Variants in COL9A3 observed in about 807,000 individuals in gnomAD.
The protein encoded by COL9A3 is collagen alpha-3(IX) chain.
In COL9A3, 82 loss-of-function variants were observed where a neutral mutation model predicts 110.2. The ratio of observed to expected loss-of-function variants is 0.74; its 90% CI spans 0.62 to 0.89. The LOEUF is 0.89. Among genes scored for constraint, COL9A3 ranks in the 40% least tolerant of loss-of-function variants. COL9A3 has a pLI of 0.00. For missense variants in COL9A3, 1,066 were observed against 981.3 expected (o/e 1.09, Z -1.15); for synonymous variants, 494 against 403.8 (o/e 1.22, Z -2.68).
At chr20:62,837,640 C>T (rs1421283675) in intron 30 of COL9A3, among the ~76,000 whole-genome samples, 4 of 151,898 alleles carry the variant, frequency 2.6e-5, no homozygotes, top group African/African-American at 7.3e-5. Context: ...AACCCTGTCT[C>T]TACTAAAAAT....
chr20:62,824,926 C>T (rs749537198), intron 11 of COL9A3, 42 bp from the exon 12 acceptor site: 42 of 1,545,314 alleles, frequency 2.7e-5, no homozygotes, highest in East Asian at 2.2e-4. Flanking sequence ...GAGGGGGTGT[C>T]GGGGGGTCTG....
In COL9A3 at chr20:62,840,763, C is replaced by CAA. The variant is rs758152474; in HGVS notation, c.*31_*32insAA. On this transcript the variant is annotated 3_prime_UTR_variant, in exon 32 of 32. Coordinates refer to ENST00000649368, the MANE Select transcript of COL9A3 (RefSeq NM_001853.4). ...AACGTGAGGAAGCAAGTGACAAGGACGCCCGAAGCACAGTGGACGGTCATG... is the reference window on the plus strand; with the variant it reads ...AACGTGAGGAAGCAAGTGACAAGGACAAGCCCGAAGCACAGTGGACGGTCATG... 0.082 allele frequency: 127,788 copies of CAA among 1,551,454 alleles called. 6,266 individuals carry two copies. The highest frequency in any genetic ancestry group is 0.2 in the African/African-American group (14,397 of 73,176).
chr20:62,826,947 C>A, intron 15 of COL9A3, 127 bp downstream of exon 15: 1 of 1,057,342 alleles, frequency 9.5e-7, no homozygotes, highest in Non-Finnish European at 1.4e-6. Flanking sequence ...CCTGGACACC[C>A]TGGGAGGGCT....
At chr20:62,823,932 CCT>C (rs1190138180) in intron 10 of COL9A3, among the ~76,000 whole-genome samples, 1 of 152,114 alleles carries the variant, frequency 6.6e-6, no homozygotes, top group African/African-American at 2.4e-5. Context: ...TGAAGGAGAC[CCT>C]GTCTGTGTCC....
At chr20:62,828,190 C>G (rs998332470) in intron 17 of COL9A3, among the ~76,000 whole-genome samples, 2 of 152,230 alleles carry the variant, frequency 1.3e-5, no homozygotes, top group Non-Finnish European at 2.9e-5. Flanking sequence ...GCTGGGTTTA[C>G]CTGCACAGAG....
intron 12 of COL9A3, 84 bp downstream of exon 12, chr20:62,825,105 G>A (rs868516160): frequency 2.1e-5 from 9 of 429,654 alleles, no homozygotes; most frequent in African/African-American, 1.1e-4. Context: ...GCTCCGGCGG[G>A]AGGGAGGGGC....
At chr20:62,835,500 A>G (rs749369728) in intron 26 of COL9A3, among the ~76,000 whole-genome samples, 1 of 152,180 alleles carries the variant, frequency 6.6e-6, no homozygotes, top group Non-Finnish European at 1.5e-5. Context: ...CAATTGCAGC[A>G]TGTGTTTTGG....
intron 27 of COL9A3, 92 bp downstream of exon 27, chr20:62,836,045 A>C: frequency 6.2e-7 from 1 of 1,607,424 alleles, no homozygotes; most frequent in Non-Finnish European, 8.5e-7. Context: ...CCTGCAGGGC[A>C]CTGCCCAGAT....
chr20:62,835,987 C>T (rs1342149633), intron 27 of COL9A3, 34 bp downstream of exon 27: 3 of 1,614,148 alleles, frequency 1.9e-6, no homozygotes, highest in South Asian at 2.2e-5. Flanking sequence ...ATGACACCAT[C>T]CATGGGCGCC....
At chr20:62,829,107 C>T in intron 19 of COL9A3, 131 bp downstream of exon 19, 1 of 1,015,888 alleles carries the variant, frequency 9.8e-7, no homozygotes, top group Non-Finnish European at 1.4e-6. Flanking sequence ...CTGTGTCCAT[C>T]AGGGCCTGGC....
At position 62,833,067 on chromosome 20, in the gene COL9A3, G is replaced by A. The variant is rs775090189; in HGVS notation, c.1368+3G>A. ...TTCCTGGGGATAAAGGAGAACTGGT[G>A]AGTAATTAGGTAACCTCACTGTTAC... On this transcript the variant is annotated splice_donor_region_variant and intron_variant, in intron 26 of 31. Transcript: ENST00000649368. 3.7e-6 allele frequency: 6 copies of A among 1,612,454 alleles called. No homozygotes were observed. The highest frequency in any genetic ancestry group is 5.1e-6 in the Non-Finnish European group (6 of 1,178,604).
chr20:62,820,100 C>A, intron 5 of COL9A3, 118 bp downstream of exon 5: 1 of 1,241,310 alleles, frequency 8.1e-7, no homozygotes, highest in Non-Finnish European at 1.2e-6. Context: ...AGCTGCCCTG[C>A]CCGTGCCTGG....
At chr20:62,817,838 G>A in intron 2 of COL9A3, 1 of 679,974 alleles carries the variant, frequency 1.5e-6, no homozygotes, top group Non-Finnish European at 2.8e-6. Flanking sequence ...GGTGTCATGT[G>A]GTGGTCCTCC....
rs776152167 is a variant in COL9A3 at position 62,828,991 on chromosome 20, G to A, written c.1008+15G>A. 6 of 1,590,458 alleles carry A rather than the reference G, an allele frequency of 3.8e-6. No homozygotes were observed. Among genetic ancestry groups the A allele is most frequent in the African/African-American group, 1.3e-5 (1 of 74,452 alleles). On this transcript the variant is annotated intron_variant, in intron 19 of 31. Transcript: ENST00000649368. ...ACGGGCTGCCGGTGAGTGCCCGGCG[G>A]GTGGGGCCAGCCTGGGGCGCCACAG...
Position 62,840,777 on chromosome 20 carries a change from T to C in COL9A3, c.*45T>C. The C allele has an allele frequency of 6.5e-7, 1 of 1,548,200 alleles. No individual in the cohort carries two copies. Among genetic ancestry groups the C allele is most frequent in the Non-Finnish European group, 8.7e-7 (1 of 1,143,974 alleles). The stretch of plus-strand genomic sequence containing the variant: ...AGTGACAAGGACGCCCGAAGCACAG[T>C]GGACGGTCATGAAGGAGCGGGGGTG... On this transcript the variant is annotated 3_prime_UTR_variant, in exon 32 of 32. Coordinates refer to ENST00000649368, the MANE Select transcript of COL9A3 (RefSeq NM_001853.4).
At chr20:62,826,946 C>A in intron 15 of COL9A3, 126 bp downstream of exon 15, 1 of 1,061,428 alleles carries the variant, frequency 9.4e-7, no homozygotes, top group Non-Finnish European at 1.4e-6. Flanking sequence ...CCCTGGACAC[C>A]CTGGGAGGGC....
At chr20:62,820,682 C>T (rs1991091141) in intron 5 of COL9A3, among the ~76,000 whole-genome samples, 1 of 152,144 alleles carries the variant, frequency 6.6e-6, no homozygotes, top group Admixed American at 6.5e-5. Context: ...GTGGGCTGGT[C>T]CCCAGGCTTT....
intron 10 of COL9A3, 32 bp downstream of exon 10, chr20:62,822,664 TG>T (rs766772895): frequency 6.8e-6 from 11 of 1,606,376 alleles, no homozygotes; most frequent in African/African-American, 1.3e-5. Flanking sequence ...TTAAGGGTGC[TG>T]GGGGGTGCCT....
In COL9A3 at chr20:62,836,331, C is replaced by A; in HGVS notation, c.1546C>A (p.Pro516Thr). Residue 516 changes from proline to threonine, a missense_variant and splice_region_variant, in exon 28 of 32, where the codon CCG becomes ACG. Physicochemically the swap from Pro to Thr is conservative, Grantham distance 38. Transcript: ENST00000649368. ...VPGITGKPGV[P>T]GKEASEQRIR... Reference sequence around the variant, plus strand: ...TGGCATCACGGGGAAGCCGGGAGTTCCGGTACGTCGCTTTTCCGGCTTTTC... The same window carrying A: ...TGGCATCACGGGGAAGCCGGGAGTTACGGTACGTCGCTTTTCCGGCTTTTC... 3.1e-6 allele frequency: 5 copies of A among 1,613,812 alleles called. No homozygotes were observed. Among genetic ancestry groups the A allele is most frequent in the Non-Finnish European group, 4.2e-6 (5 of 1,180,024 alleles).
Sources: gnomAD v4.1 joint callset for allele counts (sites outside exome capture counted in the v4.1 genomes callset) on GRCh38, gnomAD v4.1.1 for gene constraint, MANE v1.5 for transcripts, NCBI Gene and HGNC (gene_info 2026-07-23, HGNC 2026-07-21) for gene names.